CEP112: variants seen among roughly 807,000 people sequenced by gnomAD.
CEP112 encodes centrosomal protein of 112 kDa.
In CEP112, 127 loss-of-function variants were observed where a neutral mutation model predicts 153.0. That is an observed-to-expected ratio of 0.83 (90% CI 0.72 to 0.96). CEP112 has a LOEUF of 0.96. CEP112 is among the 40% of genes least tolerant of loss of function. The pLI is 0.00. For synonymous variants in CEP112, 358 were observed against 374.4 expected, an observed-to-expected ratio of 0.96 and a Z score of 0.51; for missense variants, 1,089 against 1,101.2, an observed-to-expected ratio of 0.99 and a Z score of 0.16.
At chr17:65,659,544 G>A (rs2143794647) in intron 24 of CEP112, among the ~76,000 whole-genome samples, 1 of 152,300 alleles carries the variant, frequency 6.6e-6, no homozygotes, top group South Asian at 2.1e-4. Context: ...AGGATTTTGT[G>A]CATGAATCTC....
chr17:65,731,805 A>G (rs576668898), intron 23 of CEP112, among the ~76,000 whole-genome samples: 5 of 152,332 alleles, frequency 3.3e-5, no homozygotes, highest in African/African-American at 1.2e-4. Flanking sequence ...TTGCTCACCC[A>G]TAAGAAGCAA....
At chr17:65,750,758 T>C in intron 21 of CEP112, 34 bp from the exon 22 acceptor site, 2 of 1,598,052 alleles carry the variant, frequency 1.3e-6, no homozygotes, top group Non-Finnish European at 1.7e-6. Context: ...ACATACACAG[T>C]GACCTGTGAG....
At chr17:66,128,099 C>T (rs761614106) in intron 6 of CEP112, among the ~76,000 whole-genome samples, 17 of 151,850 alleles carry the variant, frequency 1.1e-4, no homozygotes, top group Admixed American at 2.0e-4. Flanking sequence ...GTCGGGAGTT[C>T]GAGACCAGCC....
intron 8 of CEP112, among the ~76,000 whole-genome samples, chr17:66,075,935 C>G (rs772976074): frequency 7.9e-5 from 12 of 152,288 alleles, no homozygotes; most frequent in Non-Finnish European, 1.5e-4. Context: ...ACACACACCC[C>G]CACTGGGAAA....
chr17:66,150,624 C>A (rs568169543), intron 4 of CEP112, among the ~76,000 whole-genome samples: 1 of 152,112 alleles, frequency 6.6e-6, no homozygotes, highest in African/African-American at 2.4e-5. Context: ...TTCTATCCGG[C>A]GTATTGAAGT....
At chr17:66,140,909 A>C (rs1049884563) in intron 4 of CEP112, among the ~76,000 whole-genome samples, 2 of 152,028 alleles carry the variant, frequency 1.3e-5, no homozygotes, top group Non-Finnish European at 2.9e-5. Flanking sequence ...AGCCTCCCAA[A>C]GTGCTGGGAT....
intron 24 of CEP112, among the ~76,000 whole-genome samples, chr17:65,649,246 A>G (rs1191654983): frequency 6.6e-6 from 1 of 152,202 alleles, no homozygotes; most frequent in Non-Finnish European, 1.5e-5. Flanking sequence ...CCTCAAATGC[A>G]AGTTATTTTA....
rs938877168 is a variant in CEP112 at position 66,024,489 on chromosome 17, A to G, written c.1656+3012T>C. Among the ~76,000 whole-genome samples the G allele has an allele frequency of 3.3e-5, 5 of 152,136 alleles. No individual in the cohort carries two copies. The East Asian group carries it at 9.6e-4, about 29-fold the overall frequency. On this transcript the variant is annotated intron_variant, in intron 16 of 26. Transcript: ENST00000535342. The stretch of plus-strand genomic sequence containing the variant: ...CAGTAAATTTTAGGATACAAAATCA[A>G]TGTATAAAAATCAGTAGTATTTCTA...
intron 11 of CEP112, among the ~76,000 whole-genome samples, chr17:66,055,258 G>C (rs1186838988): frequency 2.0e-5 from 3 of 152,158 alleles, no homozygotes; most frequent in African/African-American, 7.2e-5. Context: ...CTAGTTTCTA[G>C]CTGAATAGGA....
rs536992402 is a variant in CEP112 at position 65,647,352 on chromosome 17, T to C, written c.2698-6287A>G. Among the ~76,000 whole-genome samples, 8 of 152,030 alleles carry C rather than the reference T, an allele frequency of 5.3e-5. No individual in the cohort carries two copies. In the East Asian group the frequency reaches 1.6e-3, roughly 29 times the overall value. On this transcript the variant is annotated intron_variant, in intron 24 of 26. Coordinates refer to ENST00000535342, the MANE Select transcript of CEP112 (RefSeq NM_001199165.4). ...CCATTCCTGGCTAATTTTGTATTTTTAGTAGAGATGGGGTTTCTCCATGTT... is the reference window on the plus strand; with the variant it reads ...CCATTCCTGGCTAATTTTGTATTTTCAGTAGAGATGGGGTTTCTCCATGTT...
intron 26 of CEP112, 56 bp from the exon 27 acceptor site, chr17:65,636,030 C>A (rs925289261): frequency 1.9e-6 from 3 of 1,557,942 alleles, no homozygotes; most frequent in Non-Finnish European, 2.6e-6. Context: ...GTATGTCAAT[C>A]AAAAAATAAG....
chr17:66,140,362 CA>C (rs2070638456), intron 4 of CEP112, among the ~76,000 whole-genome samples: 1 of 152,074 alleles, frequency 6.6e-6, no homozygotes, highest in African/African-American at 2.4e-5. Flanking sequence ...CCTCTAAGAT[CA>C]AGAACAAGGC....
chr17:65,912,505 C>T (rs2143844695), intron 19 of CEP112, among the ~76,000 whole-genome samples: 1 of 152,266 alleles, frequency 6.6e-6, no homozygotes, highest in African/African-American at 2.4e-5. Flanking sequence ...CTAGGCCCTC[C>T]CATGCACTGG....
chr17:65,894,243 T>C (rs2143288982), intron 20 of CEP112, among the ~76,000 whole-genome samples: 1 of 152,232 alleles, frequency 6.6e-6, no homozygotes, highest in Middle Eastern at 3.4e-3. Context: ...AGAATAATGC[T>C]TTTTCTCTGG....
At chr17:66,000,951 A>G (rs12451575) in intron 17 of CEP112, among the ~76,000 whole-genome samples, 62,540 of 152,124 alleles carry the variant, frequency 0.41, 14,327 homozygotes, top group East Asian at 0.87. Flanking sequence ...GGATTTTCTG[A>G]AACGGAAGGC....
rs949474622 is a variant in CEP112 at position 66,164,514 on chromosome 17, G to A, written c.470+10530C>T. Among the ~76,000 whole-genome samples, 9 of 142,500 alleles carry A rather than the reference G, an allele frequency of 6.3e-5. No homozygotes were observed. In the South Asian group the frequency reaches 6.8e-4, roughly 11 times the overall value. The allele number at this position is 142,500 out of a possible 152,430, so 93.5% of individuals were successfully genotyped here. A position where few individuals can be genotyped will look rare whatever the true frequency, so the allele number is the denominator to read the frequency against. ...AGAGGTTGCAGTGAGGGGAGATCGC[G>A]CCACTGCACTCCAGCCTGGGCGACA... On this transcript the variant is annotated intron_variant, in intron 4 of 26. Coordinates refer to ENST00000535342, the MANE Select transcript of CEP112 (RefSeq NM_001199165.4).
At chr17:65,910,136 A>C (rs571836505) in intron 19 of CEP112, among the ~76,000 whole-genome samples, 40 of 152,312 alleles carry the variant, frequency 2.6e-4, no homozygotes, top group African/African-American at 8.4e-4. Flanking sequence ...ATAAATTGTT[A>C]AAAGACAGAG....
intron 12 of CEP112, among the ~76,000 whole-genome samples, chr17:66,050,732 G>T (rs1470861020): frequency 2.0e-5 from 3 of 152,028 alleles, no homozygotes; most frequent in African/African-American, 7.2e-5. Context: ...TTCCAGAGAT[G>T]CCTGGAGCCT....
At chr17:65,950,135 T>C (rs1234205598) in intron 18 of CEP112, among the ~76,000 whole-genome samples, 1 of 152,204 alleles carries the variant, frequency 6.6e-6, no homozygotes, top group Non-Finnish European at 1.5e-5. Context: ...GAAATGCATG[T>C]CACTACCTGT....
Sources: allele counts gnomAD v4.1 joint callset (sites outside exome capture counted in the v4.1 genomes callset), GRCh38; gene constraint gnomAD v4.1.1; transcripts MANE v1.5; gene names NCBI Gene and HGNC (gene_info 2026-07-23, HGNC 2026-07-21).